The following PTPRG variants were observed in gnomAD, a reference collection of about 807,000 sequenced individuals.
The protein encoded by PTPRG is receptor-type tyrosine-protein phosphatase gamma.
Under a neutral mutation model 165.3 loss-of-function variants are expected in PTPRG, and 102 were observed. That is an observed-to-expected ratio of 0.62 (90% CI 0.53 to 0.73). The LOEUF is 0.73. PTPRG is among the 30% of genes least tolerant of loss of function. The probability of loss-of-function intolerance (pLI) is 0.00; values close to 1 mark genes in which losing one functional copy is unlikely to be tolerated. For synonymous variants in PTPRG, 675 were observed against 669.5 expected (o/e 1.01, Z -0.13); for missense variants, 1,866 against 1,861.4 (o/e 1.00, Z -0.05).
chr3:61,894,803 G>A (rs537141803), intron 2 of PTPRG, among the ~76,000 whole-genome samples: 1 of 152,254 alleles, frequency 6.6e-6, no homozygotes, highest in East Asian at 1.9e-4. Context: ...TTGGAGATCA[G>A]ATCCACTTAG....
chr3:61,682,401 A>G (rs1465653947), intron 1 of PTPRG, among the ~76,000 whole-genome samples: 1 of 152,222 alleles, frequency 6.6e-6, no homozygotes, highest in African/African-American at 2.4e-5. Context: ...ATAGAGACTT[A>G]TATAGCAGAT....
intron 4 of PTPRG, among the ~76,000 whole-genome samples, chr3:62,031,098 T>C (rs1315326252): frequency 1.3e-5 from 2 of 152,188 alleles, no homozygotes; most frequent in African/African-American, 4.8e-5. Flanking sequence ...ACAAAAGTAT[T>C]GAAGGAAGGA....
intron 1 of PTPRG, among the ~76,000 whole-genome samples, chr3:61,660,514 G>A (rs935904729): frequency 2.6e-5 from 4 of 152,230 alleles, no homozygotes; most frequent in East Asian, 1.9e-4. Flanking sequence ...GCCCCCTCTC[G>A]CCTCTGTTCA....
chr3:61,810,013 C>T (rs59260464), intron 2 of PTPRG, among the ~76,000 whole-genome samples: 5,816 of 152,172 alleles, frequency 0.038, 380 homozygotes, highest in African/African-American at 0.13. Context: ...CAATGGGGGG[C>T]TGGGAAACTG....
At chr3:61,618,735 A>T (rs1220605909) in intron 1 of PTPRG, among the ~76,000 whole-genome samples, 6 of 152,182 alleles carry the variant, frequency 3.9e-5, no homozygotes, top group Non-Finnish European at 8.8e-5. Flanking sequence ...TTTGGCTCAT[A>T]AAGCTGAACT....
chr3:61,999,166 C>A lies in PTPRG; in HGVS notation c.371-4183C>A, dbSNP rs146301514. On this transcript the variant is annotated intron_variant, in intron 3 of 29. Transcript: ENST00000474889. ...GTTCAAGTGATTTTCCTGCCTCAGC[C>A]TGCCAAGTAGCTGGGATTACAGGTG... is the stretch of plus-strand genomic sequence containing the variant. 5.9e-5 allele frequency among the ~76,000 whole-genome samples: 9 copies of A among 152,290 alleles called. No individual in the cohort carries two copies. The East Asian group carries it at 1.7e-3, about 29-fold the overall frequency.
intron 6 of PTPRG, among the ~76,000 whole-genome samples, chr3:62,133,706 C>G (rs1703600810): frequency 1.3e-5 from 2 of 152,056 alleles, no homozygotes; most frequent in African/African-American, 4.8e-5. Flanking sequence ...ATTTCTGGGC[C>G]AGGCATGGTG....
intron 8 of PTPRG, among the ~76,000 whole-genome samples, chr3:62,184,939 GT>G (rs2106786425): frequency 6.7e-6 from 1 of 149,542 alleles, no homozygotes; most frequent in Admixed American, 6.7e-5. Context: ...ACTGCAGATA[GT>G]TTAAGGCACT....
At chr3:61,994,857 CA>C (rs2040982086) in intron 3 of PTPRG, among the ~76,000 whole-genome samples, 1 of 152,116 alleles carries the variant, frequency 6.6e-6, no homozygotes, top group Non-Finnish European at 1.5e-5. Flanking sequence ...AGACACAGGC[CA>C]GGGGTAACTA....
chr3:61,635,066 A>C (rs964270994), intron 1 of PTPRG, among the ~76,000 whole-genome samples: 10 of 152,186 alleles, frequency 6.6e-5, no homozygotes, highest in Non-Finnish European at 1.5e-4. Context: ...AGGAAAGCTG[A>C]GACCTTGTTA....
chr3:61,930,807 C>G (rs970714959), intron 2 of PTPRG, among the ~76,000 whole-genome samples: 3 of 152,172 alleles, frequency 2.0e-5, no homozygotes, highest in African/African-American at 7.2e-5. Flanking sequence ...TGCTTGTAAT[C>G]CTAGCACTTT....
At chr3:61,679,814 C>T (rs949746848) in intron 1 of PTPRG, among the ~76,000 whole-genome samples, 7 of 152,010 alleles carry the variant, frequency 4.6e-5, no homozygotes, top group African/African-American at 1.7e-4. Flanking sequence ...AAAAAAACCC[C>T]ACAATCCAGT....
intron 12 of PTPRG, among the ~76,000 whole-genome samples, chr3:62,211,728 GT>G (rs1240383701): frequency 2.0e-5 from 3 of 152,134 alleles, no homozygotes; most frequent in African/African-American, 7.2e-5. Flanking sequence ...ATCCAAGCTA[GT>G]TTTAGTCTTG....
Position 62,243,911 on chromosome 3 carries a change from C to A in PTPRG, c.2467+13C>A. On this transcript the variant is annotated intron_variant, in intron 15 of 29. Transcript: ENST00000474889. ...ATTCCTATTCCGGGTAAGTAAGACA[C>A]TGCTCTTATTTCCAATGGGCTAATT... 2 of 1,394,856 alleles carry A rather than the reference C, an allele frequency of 1.4e-6. No homozygotes were observed. The highest frequency in any genetic ancestry group is 2.0e-6 in the Non-Finnish European group (2 of 991,184). The allele number at this position is 1,394,856 out of a possible 1,614,324, so 86.4% of individuals were successfully genotyped here.
chr3:61,911,266 C>T (rs1019227398), intron 2 of PTPRG, among the ~76,000 whole-genome samples: 2 of 152,162 alleles, frequency 1.3e-5, no homozygotes, highest in East Asian at 3.8e-4. Flanking sequence ...AGGTCAGTAC[C>T]TGTGCCTTTG....
At chr3:62,183,920 A>T (rs887539327) in intron 8 of PTPRG, among the ~76,000 whole-genome samples, 3 of 152,218 alleles carry the variant, frequency 2.0e-5, no homozygotes, top group African/African-American at 7.2e-5. Context: ...CATCTTTATT[A>T]GCATCTTGAA....
Position 62,245,621 on chromosome 3 carries a change from A to G in PTPRG, c.2467+1723A>G, listed in dbSNP as rs1701271678. 6.6e-6 allele frequency among the ~76,000 whole-genome samples: 1 copy of G among 152,128 alleles called. No homozygotes were observed. The highest frequency in any genetic ancestry group is 1.5e-5 in the Non-Finnish European group (1 of 68,008). On this transcript the variant is annotated intron_variant, in intron 15 of 29. Transcript: ENST00000474889. This position sits in a 1 kb window ranked among gnomAD's most constrained non-coding sequence, Gnocchi z 4.2. ...ACCTCTCTGAACCTTAGTTTCCAGA[A>G]TCTGTAAATTAATTAGGATGCCTAT...
chr3:62,136,176 T>C (rs1192085180), intron 6 of PTPRG, among the ~76,000 whole-genome samples: 1 of 152,124 alleles, frequency 6.6e-6, no homozygotes, highest in Non-Finnish European at 1.5e-5. Flanking sequence ...GCTCATTCTG[T>C]CCGTAGTTAC....
chr3:62,271,512 G>A lies in PTPRG; in HGVS notation c.3139G>A (p.Ala1047Thr), dbSNP rs1576204524. The change falls in exon 21 of 30, where the codon GCA becomes ACA. Residue 1047 changes from alanine to threonine, a missense_variant. Ala to Thr is a moderately conservative substitution (Grantham distance 58). Around this residue, in one of 3 missense-constraint regions of PTPRG, gnomAD observed 1,452 missense variants for 1,463.0 expected, o/e 0.99. Coordinates refer to ENST00000474889, the MANE Select transcript of PTPRG (RefSeq NM_002841.4). The surrounding 1 kb of genome is among the most constrained non-coding windows in gnomAD (Gnocchi z 4.1). ...PVLTFVRRSSAARMPETGPVL... is the reference protein window; with the variant it reads ...PVLTFVRRSSTARMPETGPVL... ...ACTGACTTTCGTGAGGAGATCCTCA[G>A]CAGCTCGGATGCCAGAAACGGGCCC... is the stretch of plus-strand genomic sequence containing the variant. The A allele has an allele frequency of 1.9e-6, 3 of 1,613,914 alleles. No homozygotes were observed. The highest frequency in any genetic ancestry group is 1.7e-6 in the Non-Finnish European group (2 of 1,179,842).
Sources: gnomAD v4.1 joint callset for allele counts (sites outside exome capture counted in the v4.1 genomes callset) on GRCh38, gnomAD v4.1.1 for gene constraint, gnomAD v4.1.1 regional missense constraint, Gnocchi (gnomAD v3.1) non-coding constraint, MANE v1.5 for transcripts, NCBI Gene and HGNC (gene_info 2026-07-23, HGNC 2026-07-21) for gene names.